PTCHD4: variants seen among roughly 807,000 people sequenced by gnomAD.
PTCHD4 encodes the protein patched domain-containing protein 4.
PTCHD4 carries 33 observed loss-of-function variants against 58.1 expected under a neutral mutation model. That is an observed-to-expected ratio of 0.57 (90% CI 0.43 to 0.76). The LOEUF (loss-of-function observed/expected upper bound fraction) is 0.76. PTCHD4 is among the 30% of genes least tolerant of loss of function. The probability of loss-of-function intolerance (pLI) is 0.00; values close to 1 mark genes in which losing one functional copy is unlikely to be tolerated. For missense variants in PTCHD4, 1,058 were observed against 1,027.1 expected, an observed-to-expected ratio of 1.03 and a Z score of -0.41; for synonymous variants, 478 against 409.6, an observed-to-expected ratio of 1.17 and a Z score of -2.02.
Position 47,899,624 on chromosome 6 carries a change from C to T in PTCHD4, c.899-19688G>A, listed in dbSNP as rs144283116. 3.5e-4 allele frequency: 326 copies of T among 944,258 alleles called. 2 individuals carry two copies. The African/African-American group carries it at 5.2e-3, about 15-fold the overall frequency. 58.5% of individuals were successfully genotyped at this position (944,258 alleles called of 1,614,324 possible). ...AACCCCTTCCGTTTGTTTTTAACAG[C>T]TTTATTGTGATATAATGCCAAGCAA... On this transcript the variant is annotated intron_variant, in intron 4 of 4. Transcript: ENST00000339488.
At chr6:47,974,459 A>C (rs1186615575) in intron 4 of PTCHD4, among the ~76,000 whole-genome samples, 2 of 152,146 alleles carry the variant, frequency 1.3e-5, no homozygotes, top group African/African-American at 4.8e-5. Flanking sequence ...TGATTTCTGA[A>C]AATCCATGAT....
intron 3 of PTCHD4, among the ~76,000 whole-genome samples, chr6:48,043,476 T>C (rs1354354199): frequency 6.6e-6 from 1 of 151,906 alleles, no homozygotes; most frequent in Non-Finnish European, 1.5e-5. Flanking sequence ...TAAGATTCTG[T>C]TATCTCACTA....
At chr6:48,074,692 T>G (rs1582114359) in intron 1 of PTCHD4, among the ~76,000 whole-genome samples, 1 of 152,192 alleles carries the variant, frequency 6.6e-6, no homozygotes, top group Admixed American at 6.5e-5. Flanking sequence ...TTGTTTTGTT[T>G]TAAACCAGTT....
At chr6:47,892,820 C>A (rs1313451864) in intron 4 of PTCHD4, among the ~76,000 whole-genome samples, 1 of 152,158 alleles carries the variant, frequency 6.6e-6, no homozygotes, top group African/African-American at 2.4e-5. Flanking sequence ...GGCCTTTCTT[C>A]CCAATGAAGA....
chr6:48,056,337 T>A (rs1485185222), intron 3 of PTCHD4, among the ~76,000 whole-genome samples: 3 of 152,218 alleles, frequency 2.0e-5, no homozygotes, highest in African/African-American at 7.2e-5. Flanking sequence ...TCACCTTTGT[T>A]TTTAATGAAA....
intron 4 of PTCHD4, among the ~76,000 whole-genome samples, chr6:48,004,986 C>T (rs1170754186): frequency 6.6e-6 from 1 of 152,116 alleles, no homozygotes; most frequent in Non-Finnish European, 1.5e-5. Flanking sequence ...CTGCATGCAC[C>T]TCTAATAATC....
Position 47,980,470 on chromosome 6 carries a change from C to T in PTCHD4, c.898+28164G>A, listed in dbSNP as rs563506472. ...CTTCTTATGTAAAACCTTGAAAATT[C>T]CCTCTATCCTTCCATAGATTTTCAA... On this transcript the variant is annotated intron_variant, in intron 4 of 4. Coordinates refer to ENST00000339488, the MANE Select transcript of PTCHD4 (RefSeq NM_001384253.1). Among the ~76,000 whole-genome samples the T allele has an allele frequency of 1.1e-4, 17 of 152,074 alleles. No individual in the cohort carries two copies. In the South Asian group the frequency reaches 2.5e-3, roughly 22 times the overall value.
At chr6:47,942,673 T>C (rs1766278343) in intron 4 of PTCHD4, among the ~76,000 whole-genome samples, 1 of 152,204 alleles carries the variant, frequency 6.6e-6, no homozygotes, top group East Asian at 1.9e-4. Flanking sequence ...TAACCAGATC[T>C]CCTCATACTG....
chr6:48,067,050 TA>T (rs1217742752), intron 3 of PTCHD4, among the ~76,000 whole-genome samples: 2 of 152,136 alleles, frequency 1.3e-5, no homozygotes, highest in African/African-American at 2.4e-5. Flanking sequence ...TCACATACAT[TA>T]AAAAAATTTT....
At chr6:47,881,960 G>C (rs531734383) in intron 4 of PTCHD4, among the ~76,000 whole-genome samples, 2 of 152,140 alleles carry the variant, frequency 1.3e-5, no homozygotes, top group East Asian at 1.9e-4. Flanking sequence ...GTCATGAACT[G>C]TTCCTTCTTG....
intron 4 of PTCHD4, among the ~76,000 whole-genome samples, chr6:48,006,025 T>C (rs533213192): frequency 1.2e-3 from 186 of 152,280 alleles, no homozygotes; most frequent in Non-Finnish European, 1.9e-3. Flanking sequence ...ACCAAACAAA[T>C]GCCCCCTTTA....
chr6:48,009,837 TAAG>T (rs1282217540), intron 3 of PTCHD4, among the ~76,000 whole-genome samples: 1 of 152,192 alleles, frequency 6.6e-6, no homozygotes, highest in East Asian at 1.9e-4. Flanking sequence ...ATTAGACTGA[TAAG>T]AATTTCAGAT....
intron 1 of PTCHD4, among the ~76,000 whole-genome samples, chr6:48,070,805 T>C (rs1324362785): frequency 6.6e-6 from 1 of 152,230 alleles, no homozygotes; most frequent in African/African-American, 2.4e-5. Flanking sequence ...TCTCACTTTA[T>C]ATAATGTATT....
chr6:47,901,550 A>G (rs1261786040), intron 4 of PTCHD4: 23 of 1,012,900 alleles, frequency 2.3e-5, no homozygotes, highest in Non-Finnish European at 2.6e-5. Flanking sequence ...ATCACTAAAC[A>G]GTACTTATAA....
intron 3 of PTCHD4, among the ~76,000 whole-genome samples, chr6:48,060,503 G>A (rs1195871709): frequency 2.0e-5 from 3 of 152,126 alleles, no homozygotes; most frequent in Admixed American, 2.0e-4. Flanking sequence ...TTGAGACAGG[G>A]TTTCCTTCTT....
At chr6:47,993,171 A>G (rs1360814830) in intron 4 of PTCHD4, among the ~76,000 whole-genome samples, 1 of 152,186 alleles carries the variant, frequency 6.6e-6, no homozygotes, top group Non-Finnish European at 1.5e-5. Context: ...TAAGTAAATG[A>G]AAAAAATAGC....
rs532684366 is a variant in PTCHD4 at position 47,964,828 on chromosome 6, G to A, written c.898+43806C>T. On this transcript the variant is annotated intron_variant, in intron 4 of 4. Coordinates refer to ENST00000339488, the MANE Select transcript of PTCHD4 (RefSeq NM_001384253.1). ...AATTACTTTGCAATAATTAGCGGAAGATACCCTACTACAGCAGTAAAGTTT... is the reference window on the plus strand; with the variant it reads ...AATTACTTTGCAATAATTAGCGGAAAATACCCTACTACAGCAGTAAAGTTT... Among the ~76,000 whole-genome samples, 71 of 152,240 alleles carry A rather than the reference G, an allele frequency of 4.7e-4. 1 individual carries two copies. Among genetic ancestry groups the A allele is most frequent in the African/African-American group, 1.2e-3 (49 of 41,540 alleles).
At chr6:47,899,484 A>G (rs1200292124) in intron 4 of PTCHD4, 2 of 584,440 alleles carry the variant, frequency 3.4e-6, no homozygotes, top group African/African-American at 4.1e-5. Context: ...TTGAGTTTGA[A>G]TTCATTTTAT....
chr6:47,916,782 G>T (rs1229385234), intron 4 of PTCHD4, among the ~76,000 whole-genome samples: 1 of 152,106 alleles, frequency 6.6e-6, no homozygotes, highest in Non-Finnish European at 1.5e-5. Flanking sequence ...TTGTGAAACA[G>T]GCTGAATTGT....
Sources: gnomAD v4.1 joint callset for allele counts (sites outside exome capture counted in the v4.1 genomes callset) on GRCh38, gnomAD v4.1.1 for gene constraint, MANE v1.5 for transcripts, NCBI Gene and HGNC (gene_info 2026-07-23, HGNC 2026-07-21) for gene names.